The following ADAMTSL1 variants were observed in gnomAD, a reference collection of about 807,000 sequenced individuals.
ADAMTSL1 encodes the protein ADAMTS-like protein 1.
A neutral mutation model predicts 201.8 loss-of-function variants in ADAMTSL1; 126 were observed. The ratio of observed to expected loss-of-function variants is 0.62; its 90% confidence interval spans 0.54 to 0.72. The LOEUF (loss-of-function observed/expected upper bound fraction) is 0.72. Among genes scored for constraint, ADAMTSL1 ranks in the 30% least tolerant of loss-of-function variants. ADAMTSL1 has a pLI of 0.00. For missense variants in ADAMTSL1, 2,679 were observed against 2,277.8 expected, an observed-to-expected ratio of 1.18 and a Z score of -3.59; for synonymous variants, 1,121 against 903.4, an observed-to-expected ratio of 1.24 and a Z score of -4.32.
intron 1 of ADAMTSL1, among the ~76,000 whole-genome samples, chr9:18,043,373 A>T (rs1821513694): frequency 6.6e-6 from 1 of 152,020 alleles, no homozygotes; most frequent in Non-Finnish European, 1.5e-5. Context: ...TTTTGGGGGG[A>T]TGTGTATACA....
intron 1 of ADAMTSL1, among the ~76,000 whole-genome samples, chr9:18,095,671 G>A (rs542180536): frequency 1.2e-4 from 18 of 152,136 alleles, no homozygotes; most frequent in South Asian, 4.1e-4. Context: ...TGATCCACCC[G>A]CCTCAGCCTC....
chr9:18,318,880 G>C (rs7856108), intron 2 of ADAMTSL1, among the ~76,000 whole-genome samples: 77,468 of 152,008 alleles, frequency 0.51, 20,151 homozygotes, highest in Admixed American at 0.62. Flanking sequence ...TTTATTTAGT[G>C]CGTGTGTCCA....
intron 4 of ADAMTSL1, among the ~76,000 whole-genome samples, chr9:18,581,839 G>T (rs921460368): frequency 6.6e-6 from 1 of 152,136 alleles, no homozygotes; most frequent in Non-Finnish European, 1.5e-5. Context: ...TTCAATCTAT[G>T]TGCCTGCCAA....
intron 1 of ADAMTSL1, among the ~76,000 whole-genome samples, chr9:18,082,951 A>G (rs1435296280): frequency 2.6e-5 from 4 of 152,216 alleles, no homozygotes; most frequent in African/African-American, 9.6e-5. Flanking sequence ...AATAAAGGTA[A>G]TATGTCACAA....
At chr9:18,153,170 C>T (rs1826993387) in intron 1 of ADAMTSL1, among the ~76,000 whole-genome samples, 1 of 152,026 alleles carries the variant, frequency 6.6e-6, no homozygotes, top group East Asian at 1.9e-4. Flanking sequence ...CCACGTCATC[C>T]ACATCCTATA....
intron 1 of ADAMTSL1, among the ~76,000 whole-genome samples, chr9:18,021,015 G>T (rs894659483): frequency 6.6e-6 from 1 of 152,084 alleles, no homozygotes; most frequent in Non-Finnish European, 1.5e-5. Context: ...TCTGCACAGT[G>T]GTACTGTCGA....
At chr9:18,157,040 A>G (rs1017498038) in intron 1 of ADAMTSL1, among the ~76,000 whole-genome samples, 2 of 152,008 alleles carry the variant, frequency 1.3e-5, no homozygotes, top group Non-Finnish European at 2.9e-5. Flanking sequence ...TCTCTACCCT[A>G]CATCTAGGAA....
At chr9:18,722,620 T>C (rs1420025626) in intron 15 of ADAMTSL1, among the ~76,000 whole-genome samples, 1 of 152,206 alleles carries the variant, frequency 6.6e-6, no homozygotes, top group Non-Finnish European at 1.5e-5. Context: ...GTACAGATCA[T>C]AGTCCTCCTC....
At chr9:18,191,918 T>C (rs1011013008) in intron 2 of ADAMTSL1, among the ~76,000 whole-genome samples, 6 of 152,186 alleles carry the variant, frequency 3.9e-5, no homozygotes, top group Non-Finnish European at 7.4e-5. Flanking sequence ...AATCTTGCAA[T>C]GAAAACCTTA....
intron 2 of ADAMTSL1, among the ~76,000 whole-genome samples, chr9:18,208,895 T>C (rs1829757638): frequency 6.6e-6 from 1 of 152,172 alleles, no homozygotes; most frequent in Admixed American, 6.5e-5. Context: ...ACTTCTAAAC[T>C]TGATTACCTC....
At chr9:18,846,082 G>C (rs1416491127) in intron 23 of ADAMTSL1, among the ~76,000 whole-genome samples, 1 of 152,160 alleles carries the variant, frequency 6.6e-6, no homozygotes, top group Non-Finnish European at 1.5e-5. Flanking sequence ...CAGTAAATAA[G>C]ATAAATACAA....
chr9:18,621,855 G>A (rs906381960), intron 4 of ADAMTSL1, among the ~76,000 whole-genome samples: 1 of 152,050 alleles, frequency 6.6e-6, no homozygotes, highest in African/African-American at 2.4e-5. Flanking sequence ...TTACCTCTTG[G>A]TTGTAGTTTT....
intron 23 of ADAMTSL1, among the ~76,000 whole-genome samples, chr9:18,875,297 G>A (rs751046968): frequency 6.6e-6 from 1 of 151,912 alleles, no homozygotes; most frequent in Non-Finnish European, 1.5e-5. Context: ...TGCTGGGTTT[G>A]GGTTTGGTTT....
At chr9:18,641,711 T>A (rs1014013903) in intron 7 of ADAMTSL1, among the ~76,000 whole-genome samples, 8 of 151,956 alleles carry the variant, frequency 5.3e-5, no homozygotes, top group Non-Finnish European at 7.4e-5. Context: ...AAGAAGAAAA[T>A]TATCTTTTTT....
chr9:18,258,070 C>T (rs564301781), intron 2 of ADAMTSL1, among the ~76,000 whole-genome samples: 4 of 152,162 alleles, frequency 2.6e-5, no homozygotes, highest in South Asian at 2.1e-4. Context: ...TGTGAATGAA[C>T]GTACGTAAAG....
chr9:18,366,007 A>T (rs1027192633), intron 2 of ADAMTSL1, among the ~76,000 whole-genome samples: 3 of 152,118 alleles, frequency 2.0e-5, no homozygotes, highest in Admixed American at 6.5e-5. Context: ...TCCATGGAAA[A>T]ATTGTCTTTC....
intron 1 of ADAMTSL1, among the ~76,000 whole-genome samples, chr9:17,934,902 TAA>T (rs59536452): frequency 0.58 from 83,325 of 143,726 alleles, 25,113 homozygotes; most frequent in Admixed American, 0.66. Flanking sequence ...CTATTTCCTT[TAA>T]AAAAAAAAAA....
chr9:18,171,956 T>C (rs767938515), intron 2 of ADAMTSL1, among the ~76,000 whole-genome samples: 8 of 151,998 alleles, frequency 5.3e-5, no homozygotes, highest in African/African-American at 1.7e-4. Context: ...CCATTTCTTG[T>C]TTTTTCACGT....
chr9:18,111,506 G>C (rs1825007279), intron 1 of ADAMTSL1, among the ~76,000 whole-genome samples: 1 of 152,068 alleles, frequency 6.6e-6, no homozygotes, highest in South Asian at 2.1e-4. Flanking sequence ...ATGTATCTGT[G>C]AAATGGGAAG....
Sources: allele counts gnomAD v4.1 joint callset (sites outside exome capture counted in the v4.1 genomes callset), GRCh38; gene constraint gnomAD v4.1.1; transcripts MANE v1.5; gene names NCBI Gene and HGNC (gene_info 2026-07-23, HGNC 2026-07-21).